ADAM12: variants seen among roughly 807,000 people sequenced by gnomAD.
ADAM12 encodes the protein ADAM metallopeptidase domain 12, also known as disintegrin and metalloproteinase domain-containing protein 12.
Under a neutral mutation model 106.4 loss-of-function variants are expected in ADAM12, and 70 were observed. The ratio of observed to expected loss-of-function variants is 0.66; its 90% CI spans 0.54 to 0.80. The LOEUF (loss-of-function observed/expected upper bound fraction) is 0.80. ADAM12 is among the 30% of genes least tolerant of loss of function. The pLI, the probability that ADAM12 is intolerant of heterozygous loss-of-function variation, is 0.00. For synonymous variants in ADAM12, 420 were observed against 433.5 expected (o/e 0.97, Z 0.39); for missense variants, 1,010 against 1,171.9 (o/e 0.86, Z 2.02).
At chr10:126,120,837 A>G (rs12265748) in intron 5 of ADAM12, among the ~76,000 whole-genome samples, 5,584 of 147,058 alleles carry the variant, frequency 0.038, 232 homozygotes, top group East Asian at 0.15. Context: ...GGTCTATGTA[A>G]ATGGAATGAG....
chr10:126,191,484 C>T (rs1957499978), intron 3 of ADAM12, among the ~76,000 whole-genome samples: 1 of 151,536 alleles, frequency 6.6e-6, no homozygotes, highest in Non-Finnish European at 1.5e-5. Flanking sequence ...CGCAGGGTCA[C>T]TGGGAAGGAG....
intron 16 of ADAM12, among the ~76,000 whole-genome samples, chr10:126,048,606 T>A (rs116083787): frequency 6.6e-6 from 1 of 151,654 alleles, no homozygotes; most frequent in African/African-American, 2.4e-5. Flanking sequence ...GGTTGTTTCA[T>A]CCTTTTCTTA....
At chr10:126,127,621 T>TTGC (rs1956227534) in intron 5 of ADAM12, among the ~76,000 whole-genome samples, 1 of 152,120 alleles carries the variant, frequency 6.6e-6, no homozygotes, top group Non-Finnish European at 1.5e-5. Flanking sequence ...AGGCACCTCG[T>TTGC]AGAATGAGGT....
chr10:126,155,245 G>A lies in ADAM12; in HGVS notation c.321C>T (p.Ser107=). The part of the protein sequence containing the change: ...THYLQDGTDV[S]LARNYTGHCY... Reference sequence around the variant, plus strand: ...GAATTACCGTGTAATTTCGAGCGAGGGAGACATCAGTACCGTCTTGCAGAT... The same window carrying A: ...GAATTACCGTGTAATTTCGAGCGAGAGAGACATCAGTACCGTCTTGCAGAT... The change falls in exon 4 of 23, where the codon TCC becomes TCT. Residue 107 remains serine, a synonymous_variant. Transcript: ENST00000448723. 6.2e-7 allele frequency: 1 copy of A among 1,614,054 alleles called. No homozygotes were observed. Among genetic ancestry groups the A allele is most frequent in the South Asian group, 1.1e-5 (1 of 91,074 alleles).
intron 8 of ADAM12, among the ~76,000 whole-genome samples, chr10:126,106,295 T>C (rs1456847798): frequency 6.6e-6 from 1 of 152,046 alleles, no homozygotes; most frequent in African/African-American, 2.4e-5. Flanking sequence ...TCCTCTGCTT[T>C]AAAAATAAGA....
At chr10:126,368,038 T>C (rs1245674020) in intron 1 of ADAM12, among the ~76,000 whole-genome samples, 2 of 151,882 alleles carry the variant, frequency 1.3e-5, no homozygotes, top group Non-Finnish European at 2.9e-5. Flanking sequence ...TAAACCCAGA[T>C]CTGTCTCTAT....
At chr10:126,363,762 G>GGA (rs1331119821) in intron 1 of ADAM12, among the ~76,000 whole-genome samples, 1 of 152,138 alleles carries the variant, frequency 6.6e-6, no homozygotes, top group African/African-American at 2.4e-5. Context: ...CAAGCCTAAC[G>GGA]GAGACCAGAC....
Position 126,043,161 on chromosome 10 carries a change from AG to A in ADAM12, c.1996-14del. The A allele has an allele frequency of 6.2e-7, 1 of 1,613,190 alleles. No individual in the cohort carries two copies. Among genetic ancestry groups the A allele is most frequent in the South Asian group, 1.1e-5 (1 of 90,962 alleles). The stretch of plus-strand genomic sequence containing the variant: ...TGTTGTTGCACACCTTTCAGGGCAG[AG>A]GGGAGGGACGTGGGGTTAGGGCATA... On this transcript the variant is annotated splice_polypyrimidine_tract_variant and intron_variant, in intron 17 of 22. Coordinates refer to ENST00000448723, the MANE Select transcript of ADAM12 (RefSeq NM_001288973.2). This position sits in a 1 kb window ranked among gnomAD's most constrained non-coding sequence, Gnocchi z 4.1.
intron 3 of ADAM12, among the ~76,000 whole-genome samples, chr10:126,175,583 T>C (rs1957205749): frequency 6.6e-6 from 1 of 152,200 alleles, no homozygotes; most frequent in South Asian, 2.1e-4. Context: ...CATTTTTTTC[T>C]CTCATCAAAA....
chr10:126,231,104 T>C (rs1244913070), intron 3 of ADAM12, among the ~76,000 whole-genome samples: 1 of 152,228 alleles, frequency 6.6e-6, no homozygotes, highest in Admixed American at 6.5e-5. Flanking sequence ...GAGGCCCCTA[T>C]TGACTTTTGC....
At chr10:126,251,491 C>T (rs1164281249) in intron 3 of ADAM12, among the ~76,000 whole-genome samples, 10 of 6,270 alleles carry the variant, frequency 1.6e-3, no homozygotes, top group South Asian at 0.011. Context: ...CAGATGGAAT[C>T]GATGCGATGG....
intron 3 of ADAM12, among the ~76,000 whole-genome samples, chr10:126,245,746 C>T (rs567460811): frequency 2.6e-5 from 4 of 152,106 alleles, no homozygotes; most frequent in Non-Finnish European, 4.4e-5. Context: ...GGAGCATGAA[C>T]GGCAGCGTCA....
At chr10:126,106,768 G>A (rs985392618) in intron 8 of ADAM12, among the ~76,000 whole-genome samples, 1 of 152,150 alleles carries the variant, frequency 6.6e-6, no homozygotes. Flanking sequence ...ACAGGCGTAA[G>A]CCACCGCGCC....
chr10:126,115,565 C>A (rs942961496), intron 6 of ADAM12, among the ~76,000 whole-genome samples: 6 of 152,148 alleles, frequency 3.9e-5, no homozygotes, highest in African/African-American at 1.4e-4. Flanking sequence ...TATATCACAG[C>A]CAGTGTATAC....
chr10:126,197,523 A>T (rs1033431874), intron 3 of ADAM12, among the ~76,000 whole-genome samples: 1 of 152,204 alleles, frequency 6.6e-6, no homozygotes, highest in African/African-American at 2.4e-5. Context: ...GAGGAAGCAC[A>T]ACCAAGCCAG....
intron 3 of ADAM12, among the ~76,000 whole-genome samples, chr10:126,165,143 T>G (rs1692247117): frequency 6.6e-6 from 1 of 152,128 alleles, no homozygotes; most frequent in African/African-American, 2.4e-5. Flanking sequence ...GTTCATTGTT[T>G]GCTCACAGGG....
chr10:126,207,082 T>A (rs1327990431), intron 3 of ADAM12, among the ~76,000 whole-genome samples: 1 of 152,222 alleles, frequency 6.6e-6, no homozygotes, highest in Non-Finnish European at 1.5e-5. Context: ...CTATTAAACC[T>A]CTTTCTTTTG....
At chr10:126,277,950 A>G (rs1448837030) in intron 3 of ADAM12, among the ~76,000 whole-genome samples, 1 of 152,224 alleles carries the variant, frequency 6.6e-6, no homozygotes, top group African/African-American at 2.4e-5. Context: ...CAAAGCACCA[A>G]CACAAGTAAA....
At chr10:126,102,823 G>A (rs1955692582) in intron 8 of ADAM12, among the ~76,000 whole-genome samples, 1 of 152,226 alleles carries the variant, frequency 6.6e-6, no homozygotes, top group Non-Finnish European at 1.5e-5. Context: ...GCGAAAGTAA[G>A]TTCCTGGCCG....
Sources: gnomAD v4.1 joint callset for allele counts (sites outside exome capture counted in the v4.1 genomes callset) on GRCh38, gnomAD v4.1.1 for gene constraint, Gnocchi (gnomAD v3.1) non-coding constraint, MANE v1.5 for transcripts, NCBI Gene and HGNC (gene_info 2026-07-23, HGNC 2026-07-21) for gene names.